TTLL5: variants seen among roughly 807,000 people sequenced by gnomAD.
TTLL5 encodes the protein tubulin polyglutamylase TTLL5.
Under a neutral mutation model 168.4 loss-of-function variants are expected in TTLL5, and 132 were observed. The observed-to-expected ratio is 0.78, with a 90% CI of 0.68 to 0.91. The LOEUF is 0.91. TTLL5 is among the 40% of genes least tolerant of loss of function. The pLI is 0.00. For missense variants in TTLL5, 1,545 were observed against 1,581.5 expected, an observed-to-expected ratio of 0.98 and a Z score of 0.39; for synonymous variants, 546 against 558.6, an observed-to-expected ratio of 0.98 and a Z score of 0.32.
intron 28 of TTLL5, among the ~76,000 whole-genome samples, chr14:75,855,151 A>AAAAAAAAAAAAAAAG: frequency 3.2e-3 from 1 of 314 alleles, no homozygotes; most frequent in Non-Finnish European, 4.0e-3. Flanking sequence ...ATGCTAGAAG[A>AAAAAAAAAAAAAAAG]AAAAAAAAAA....
intron 18 of TTLL5, among the ~76,000 whole-genome samples, chr14:75,753,614 A>G (rs543174848): frequency 6.6e-6 from 1 of 152,344 alleles, no homozygotes; most frequent in African/African-American, 2.4e-5. Context: ...CTTAAAATAG[A>G]TACCCATGTT....
intron 12 of TTLL5, among the ~76,000 whole-genome samples, chr14:75,722,967 C>G (rs1319266402): frequency 6.6e-6 from 1 of 152,164 alleles, no homozygotes; most frequent in African/African-American, 2.4e-5. Context: ...TTAGCCTGCT[C>G]TGCCCTTATA....
At chr14:75,914,779 A>G (rs2033550620) in intron 31 of TTLL5, among the ~76,000 whole-genome samples, 2 of 152,064 alleles carry the variant, frequency 1.3e-5, no homozygotes, top group Admixed American at 6.6e-5. Context: ...GCCTGCCACC[A>G]TGCCTGGCTA....
chr14:75,947,562 TAAATC>T (rs1306736853), intron 31 of TTLL5, among the ~76,000 whole-genome samples: 1 of 152,196 alleles, frequency 6.6e-6, no homozygotes, highest in Non-Finnish European at 1.5e-5. Flanking sequence ...GAAAAATAGA[TAAATC>T]TAGCTTTATA....
intron 15 of TTLL5, among the ~76,000 whole-genome samples, chr14:75,739,889 CTT>C (rs1467860648): frequency 2.0e-5 from 3 of 152,156 alleles, no homozygotes; most frequent in South Asian, 2.1e-4. Flanking sequence ...GTCAAGATCT[CTT>C]GTTATTTTGA....
At chr14:75,841,914 A>T (rs1203940547) in intron 28 of TTLL5, among the ~76,000 whole-genome samples, 2 of 152,144 alleles carry the variant, frequency 1.3e-5, no homozygotes, top group African/African-American at 4.8e-5. Flanking sequence ...CTATCCTAAT[A>T]TGTCTCCATG....
At chr14:75,713,893 G>T (rs1887258831) in intron 9 of TTLL5, among the ~76,000 whole-genome samples, 1 of 151,596 alleles carries the variant, frequency 6.6e-6, no homozygotes, top group Admixed American at 6.6e-5. Flanking sequence ...AGAATTATAT[G>T]AAAAATTACC....
At chr14:75,753,710 GATTA>G (rs1439801568) in intron 18 of TTLL5, among the ~76,000 whole-genome samples, 2 of 152,162 alleles carry the variant, frequency 1.3e-5, no homozygotes, top group East Asian at 3.8e-4. Context: ...AATTACGATT[GATTA>G]ATCACATTGT....
rs1375194323 is a variant in TTLL5, at chr14:75,914,031, A to ATATATAT, written c.3823+11807_3823+11808insTATATAT. ...CTGTTTAAAAGGAAAAAAAAAAAAAAAAATATATATATATATATATATATT... is the reference window on the plus strand; with the variant it reads ...CTGTTTAAAAGGAAAAAAAAAAAAAATATATATAAATATATATATATATATATATATT... On this transcript the variant is annotated intron_variant, in intron 31 of 31. Coordinates refer to ENST00000298832, the MANE Select transcript of TTLL5 (RefSeq NM_015072.5). 1.5e-3 allele frequency among the ~76,000 whole-genome samples: 115 copies of ATATATAT among 77,260 alleles called. 2 individuals carry two copies. In the African/African-American group the frequency reaches 0.018, roughly 12 times the overall value. 50.7% of individuals were successfully genotyped at this position (77,260 alleles called of 152,430 possible). A position where few individuals can be genotyped will look rare whatever the true frequency, so the allele number is the denominator to read the frequency against.
At chr14:75,665,502 T>C (rs1262133898) in intron 2 of TTLL5, among the ~76,000 whole-genome samples, 4 of 152,314 alleles carry the variant, frequency 2.6e-5, no homozygotes, top group East Asian at 1.9e-4. Flanking sequence ...AGAAAGACCA[T>C]GATCACATGT....
intron 28 of TTLL5, among the ~76,000 whole-genome samples, chr14:75,862,482 C>T (rs566145660): frequency 6.6e-6 from 1 of 152,242 alleles, no homozygotes. Context: ...ACATCCTCAG[C>T]GACCCTTGTT....
chr14:75,679,066 ATAATGGTCCCT>A (rs1884396730), intron 3 of TTLL5, among the ~76,000 whole-genome samples: 1 of 152,242 alleles, frequency 6.6e-6, no homozygotes, highest in South Asian at 2.1e-4. Flanking sequence ...GGTAGGCAGA[ATAATGGTCCCT>A]TAAAGATGTC....
At chr14:75,777,832 TA>T (rs1891806613) in intron 23 of TTLL5, among the ~76,000 whole-genome samples, 1 of 152,166 alleles carries the variant, frequency 6.6e-6, no homozygotes, top group Non-Finnish European at 1.5e-5. Context: ...TCATGCGCTT[TA>T]CAGCAAACAA....
chr14:75,841,805 A>G (rs755731801), intron 28 of TTLL5, among the ~76,000 whole-genome samples: 17 of 152,170 alleles, frequency 1.1e-4, no homozygotes, highest in Admixed American at 5.2e-4. Flanking sequence ...AAAAATACAC[A>G]TATGGAAAGA....
chr14:75,788,749 C>T (rs2140342263), intron 26 of TTLL5, among the ~76,000 whole-genome samples: 1 of 152,168 alleles, frequency 6.6e-6, no homozygotes, highest in South Asian at 2.1e-4. Flanking sequence ...TCAACTTATT[C>T]TGTATGGCTA....
intron 30 of TTLL5, chr14:75,886,755 A>C (rs750991024): frequency 1.3e-6 from 2 of 1,597,492 alleles, no homozygotes; most frequent in African/African-American, 2.7e-5. Context: ...CCAAGCAGTC[A>C]GCTGAACTGA....
chr14:75,812,858 G>C (rs1185487924), intron 27 of TTLL5, among the ~76,000 whole-genome samples: 1 of 152,000 alleles, frequency 6.6e-6, no homozygotes, highest in East Asian at 1.9e-4. Flanking sequence ...GTTCAGTGCA[G>C]CTGGGGCTGG....
chr14:75,902,894 C>G (rs969474729), intron 31 of TTLL5, among the ~76,000 whole-genome samples: 4 of 152,156 alleles, frequency 2.6e-5, no homozygotes, highest in Non-Finnish European at 5.9e-5. Flanking sequence ...CACTGAGATA[C>G]ACACCGGGTG....
intron 27 of TTLL5, among the ~76,000 whole-genome samples, chr14:75,814,219 CA>C (rs1894242657): frequency 6.6e-6 from 1 of 152,308 alleles, no homozygotes; most frequent in African/African-American, 2.4e-5. Flanking sequence ...GTACTACTAA[CA>C]AAAATGGTGA....
Sources: gnomAD v4.1 joint callset for allele counts (sites outside exome capture counted in the v4.1 genomes callset) on GRCh38, gnomAD v4.1.1 for gene constraint, MANE v1.5 for transcripts, NCBI Gene and HGNC (gene_info 2026-07-23, HGNC 2026-07-21) for gene names.